Variants in CSMD1 observed in about 807,000 individuals in gnomAD.
The protein encoded by CSMD1 is CUB and sushi domain-containing protein 1.
CSMD1 carries 213 observed loss-of-function variants against 417.5 expected under a neutral mutation model. The ratio of observed to expected loss-of-function variants is 0.51; its 90% CI spans 0.46 to 0.57. The LOEUF (loss-of-function observed/expected upper bound fraction) is 0.57. Ranked by LOEUF, CSMD1 falls within the 20% of genes least tolerant of loss-of-function variation. The pLI, the probability that CSMD1 is intolerant of heterozygous loss-of-function variation, is 0.00. For synonymous variants in CSMD1, 2,862 were observed against 1,736.8 expected (o/e 1.65, Z -16.11); for missense variants, 6,923 against 4,529.7 (o/e 1.53, Z -15.17).
At chr8:3,728,209 G>C (rs1204051076) in intron 6 of CSMD1, among the ~76,000 whole-genome samples, 1 of 152,138 alleles carries the variant, frequency 6.6e-6, no homozygotes, top group Non-Finnish European at 1.5e-5. Flanking sequence ...AGTCTCATGT[G>C]ATCTGATGGT....
intron 1 of CSMD1, among the ~76,000 whole-genome samples, chr8:4,791,890 T>C (rs1214150725): frequency 6.6e-6 from 1 of 152,200 alleles, no homozygotes; most frequent in Non-Finnish European, 1.5e-5. Context: ...TCAGCAACAA[T>C]TGGTTCATCT....
chr8:4,356,216 C>T (rs1366835359), intron 3 of CSMD1, among the ~76,000 whole-genome samples: 1 of 152,090 alleles, frequency 6.6e-6, no homozygotes, highest in African/African-American at 2.4e-5. Context: ...TTTGGTTTTC[C>T]ATTCCTGAGT....
intron 23 of CSMD1, among the ~76,000 whole-genome samples, chr8:3,339,478 G>C (rs1036694020): frequency 6.6e-6 from 1 of 152,114 alleles, no homozygotes; most frequent in Non-Finnish European, 1.5e-5. Context: ...TGGTTCCATC[G>C]GTGTACCCAA....
At chr8:3,958,700 T>G (rs1213382790) in intron 5 of CSMD1, among the ~76,000 whole-genome samples, 2 of 152,130 alleles carry the variant, frequency 1.3e-5, no homozygotes, top group Non-Finnish European at 2.9e-5. Flanking sequence ...AGGACATAAC[T>G]GAGGGTCAAA....
intron 5 of CSMD1, among the ~76,000 whole-genome samples, chr8:3,890,609 G>A (rs1364000434): frequency 1.3e-5 from 2 of 151,898 alleles, no homozygotes; most frequent in African/African-American, 2.4e-5. Flanking sequence ...TAAAGCACGT[G>A]GCATATTTTT....
At chr8:4,964,880 G>C (rs376182820) in intron 1 of CSMD1, among the ~76,000 whole-genome samples, 3 of 152,138 alleles carry the variant, frequency 2.0e-5, no homozygotes, top group Non-Finnish European at 4.4e-5. Context: ...GTATTTGATG[G>C]TTCTGGAGCG....
chr8:3,690,973 G>A (rs926475107), intron 7 of CSMD1, among the ~76,000 whole-genome samples: 8 of 152,150 alleles, frequency 5.3e-5, no homozygotes, highest in African/African-American at 1.7e-4. Flanking sequence ...GTTAATGCAT[G>A]TTTGTGTGTG....
Position 3,796,005 on chromosome 8 carries a change from TATATAGATATATATCATGTATAG to T in CSMD1, c.819-41986_819-41964del, listed in dbSNP as rs1563088803. On this transcript the variant is annotated intron_variant, in intron 5 of 69. Transcript: ENST00000635120. ...CAGATATAGATATATATCTATCATG[TATATAGATATATATCATGTATAG>T]ATATAGATATATATCTATCATAGAT... Among the ~76,000 whole-genome samples, 6 of 61,856 alleles carry T rather than the reference TATATAGATATATATCATGTATAG, an allele frequency of 9.7e-5. 1 individual carries two copies. In the East Asian group the frequency reaches 1.1e-3, roughly 11 times the overall value. The allele number at this position is 61,856 out of a possible 152,430, so 40.6% of individuals were successfully genotyped here.
At chr8:4,805,119 G>A (rs187135591) in intron 1 of CSMD1, among the ~76,000 whole-genome samples, 9 of 152,200 alleles carry the variant, frequency 5.9e-5, no homozygotes, top group South Asian at 4.1e-4. Flanking sequence ...TATAAAATGA[G>A]GTATAGACCT....
intron 25 of CSMD1, among the ~76,000 whole-genome samples, chr8:3,292,308 T>A (rs2117284762): frequency 6.6e-6 from 1 of 152,256 alleles, no homozygotes; most frequent in African/African-American, 2.4e-5. Flanking sequence ...ATTTTGTTGA[T>A]TTGGGGTGGA....
chr8:3,412,902 G>C (rs1812902807), intron 12 of CSMD1, among the ~76,000 whole-genome samples: 1 of 152,190 alleles, frequency 6.6e-6, no homozygotes, highest in Middle Eastern at 3.2e-3. Context: ...AAGAGCTCTT[G>C]TTTGTTGTGG....
At chr8:4,698,455 G>A (rs569724175) in intron 1 of CSMD1, among the ~76,000 whole-genome samples, 2 of 152,216 alleles carry the variant, frequency 1.3e-5, no homozygotes, top group African/African-American at 2.4e-5. Context: ...AAACTTTCAT[G>A]CTTATGTTCT....
At chr8:4,595,371 T>C (rs200894098) in intron 2 of CSMD1, among the ~76,000 whole-genome samples, 1 of 93,674 alleles carries the variant, frequency 1.1e-5, no homozygotes, top group African/African-American at 3.3e-5. Flanking sequence ...CATTTGTCTA[T>C]TGATGCATTC....
intron 1 of CSMD1, among the ~76,000 whole-genome samples, chr8:4,743,823 C>A (rs1013900437): frequency 3.3e-5 from 5 of 152,130 alleles, no homozygotes; most frequent in African/African-American, 1.2e-4. Context: ...ACCTCTTTAT[C>A]GCAAAAGCAA....
At chr8:4,661,800 G>A (rs532545026) in intron 1 of CSMD1, among the ~76,000 whole-genome samples, 2 of 152,202 alleles carry the variant, frequency 1.3e-5, no homozygotes, top group South Asian at 2.1e-4. Flanking sequence ...TCCAAAAAAC[G>A]GTTAGCATGA....
intron 3 of CSMD1, among the ~76,000 whole-genome samples, chr8:4,035,416 T>G (rs1013400226): frequency 4.6e-5 from 7 of 152,186 alleles, no homozygotes; most frequent in Non-Finnish European, 8.8e-5. Context: ...GATTTTACTG[T>G]AAAACAACCT....
intron 1 of CSMD1, among the ~76,000 whole-genome samples, chr8:4,953,682 T>C (rs757546944): frequency 1.3e-5 from 2 of 152,188 alleles, no homozygotes; most frequent in Non-Finnish European, 2.9e-5. Context: ...AAGAAAAGAA[T>C]TATCAATATG....
rs1554439963 is a variant in CSMD1, at chr8:3,795,139, A to ATATG, written c.819-41098_819-41097insCATA. Reference sequence around the variant, plus strand: ...AGATATCTATCATGTACAGCTATAGATATCTATCATGTACAGCTATAGATA... The same window carrying ATATG: ...AGATATCTATCATGTACAGCTATAGATATGTATCTATCATGTACAGCTATAGATA... On this transcript the variant is annotated intron_variant, in intron 5 of 69. Transcript: ENST00000635120. Among the ~76,000 whole-genome samples the ATATG allele has an allele frequency of 1.8e-3, 62 of 33,568 alleles. 2 individuals are homozygous for ATATG. The highest frequency in any genetic ancestry group is 4.7e-3 in the Admixed American group (14 of 2,982). The allele number at this position is 33,568 out of a possible 152,430, so 22.0% of individuals were successfully genotyped here.
At chr8:3,318,558 A>C (rs753786978) in intron 23 of CSMD1, among the ~76,000 whole-genome samples, 3 of 152,162 alleles carry the variant, frequency 2.0e-5, no homozygotes, top group Non-Finnish European at 4.4e-5. Flanking sequence ...TTCAACACAT[A>C]CTTATTAAGC....
Sources: gnomAD v4.1 joint callset for allele counts (sites outside exome capture counted in the v4.1 genomes callset) on GRCh38, gnomAD v4.1.1 for gene constraint, MANE v1.5 for transcripts, NCBI Gene and HGNC (gene_info 2026-07-23, HGNC 2026-07-21) for gene names.